The following DLG2 variants were observed in gnomAD, a reference collection of about 807,000 sequenced individuals.
DLG2 encodes disks large homolog 2.
DLG2 carries 45 observed loss-of-function variants against 132.5 expected under a neutral mutation model. The observed-to-expected ratio is 0.34, with a 90% confidence interval of 0.27 to 0.44. DLG2 has a LOEUF of 0.44. Among genes scored for constraint, DLG2 ranks in the 20% least tolerant of loss-of-function variants. The pLI is 1.00. For synonymous variants in DLG2, 424 were observed against 419.6 expected (o/e 1.01, Z -0.13); for missense variants, 1,045 against 1,196.9 (o/e 0.87, Z 1.87).
chr11:85,459,714 T>C (rs1171893419), intron 3 of DLG2, among the ~76,000 whole-genome samples: 3 of 152,140 alleles, frequency 2.0e-5, no homozygotes, highest in African/African-American at 7.2e-5. Flanking sequence ...CAAGAGTGGT[T>C]AGGGTGATAC....
At chr11:85,560,434 C>T (rs562577582) in intron 3 of DLG2, among the ~76,000 whole-genome samples, 5 of 151,990 alleles carry the variant, frequency 3.3e-5, no homozygotes, top group South Asian at 2.1e-4. Context: ...TAGGCTACAA[C>T]ATGGATGAAC....
chr11:83,995,209 C>A (rs2093959922), intron 11 of DLG2, among the ~76,000 whole-genome samples: 2 of 152,018 alleles, frequency 1.3e-5, no homozygotes, highest in Middle Eastern at 3.2e-3. Context: ...AAGGATTTCA[C>A]AGACCAATGT....
At chr11:85,216,442 T>G (rs1303249280) in intron 4 of DLG2, among the ~76,000 whole-genome samples, 1 of 152,220 alleles carries the variant, frequency 6.6e-6, no homozygotes, top group African/African-American at 2.4e-5. Flanking sequence ...TGTTCATTTA[T>G]TCATATCTTT....
At chr11:84,999,343 G>A (rs951754681) in intron 6 of DLG2, among the ~76,000 whole-genome samples, 20 of 151,924 alleles carry the variant, frequency 1.3e-4, no homozygotes, top group Non-Finnish European at 2.2e-4. Flanking sequence ...AATCAAGATG[G>A]CAAATTTTCT....
chr11:84,316,406 T>C (rs1198168067), intron 7 of DLG2, among the ~76,000 whole-genome samples: 2 of 152,312 alleles, frequency 1.3e-5, no homozygotes, highest in South Asian at 2.1e-4. Context: ...CTGTTTTCTA[T>C]AGCTAAAGAA....
intron 6 of DLG2, among the ~76,000 whole-genome samples, chr11:84,768,445 T>C (rs1480573675): frequency 3.3e-5 from 5 of 152,144 alleles, no homozygotes; most frequent in African/African-American, 1.2e-4. Context: ...AATTAAGAAA[T>C]GGAATTTTAA....
At chr11:83,908,350 A>G (rs1482248959) in intron 15 of DLG2, among the ~76,000 whole-genome samples, 1 of 151,208 alleles carries the variant, frequency 6.6e-6, no homozygotes, top group Non-Finnish European at 1.5e-5. Flanking sequence ...TCTTCCCACT[A>G]TGTTAACCTT....
At chr11:85,593,944 AC>A (rs1255127149) in intron 3 of DLG2, among the ~76,000 whole-genome samples, 1 of 152,268 alleles carries the variant, frequency 6.6e-6, no homozygotes, top group African/African-American at 2.4e-5. Flanking sequence ...TCTATAGCTT[AC>A]TGTTGTATCC....
intron 10 of DLG2, among the ~76,000 whole-genome samples, chr11:84,092,773 C>T (rs772828028): frequency 3.2e-4 from 48 of 152,090 alleles, no homozygotes; most frequent in Admixed American, 2.2e-3. Context: ...TACGGTGGCT[C>T]ACACCTGTAA....
chr11:84,192,064 C>G (rs2096419807), intron 8 of DLG2, among the ~76,000 whole-genome samples: 1 of 150,454 alleles, frequency 6.6e-6, no homozygotes, highest in South Asian at 2.1e-4. Flanking sequence ...ACACATTAAT[C>G]CAAAGAATTC....
chr11:84,144,171 C>T (rs970037850), intron 9 of DLG2, among the ~76,000 whole-genome samples: 5 of 152,132 alleles, frequency 3.3e-5, no homozygotes, highest in Admixed American at 2.0e-4. Flanking sequence ...CCAATGCAAA[C>T]TGGCTAATAA....
At chr11:84,457,879 T>C (rs2099069645) in intron 7 of DLG2, among the ~76,000 whole-genome samples, 1 of 150,922 alleles carries the variant, frequency 6.6e-6, no homozygotes, top group Non-Finnish European at 1.5e-5. Context: ...AATGAAGCAA[T>C]ACATAGAATA....
intron 3 of DLG2, among the ~76,000 whole-genome samples, chr11:85,391,996 C>T (rs1379723066): frequency 6.6e-6 from 1 of 152,066 alleles, no homozygotes; most frequent in Non-Finnish European, 1.5e-5. Context: ...GGAAGTCAAA[C>T]TCTCTGTGTT....
chr11:85,426,223 C>T (rs1001823662), intron 3 of DLG2, among the ~76,000 whole-genome samples: 2 of 151,848 alleles, frequency 1.3e-5, no homozygotes, highest in Non-Finnish European at 3.0e-5. Flanking sequence ...AGGGCACAGC[C>T]AAACAAAATC....
At chr11:85,211,699 C>G (rs900027050) in intron 4 of DLG2, among the ~76,000 whole-genome samples, 3 of 152,070 alleles carry the variant, frequency 2.0e-5, no homozygotes, top group Non-Finnish European at 2.9e-5. Flanking sequence ...AAAAAATGGT[C>G]CCATGCAAAT....
intron 6 of DLG2, among the ~76,000 whole-genome samples, chr11:84,928,982 GTATATATATATATATATATATATATA>G (rs58945482): frequency 0.01 from 503 of 49,128 alleles, 16 homozygotes; most frequent in Admixed American, 0.016. Context: ...GTGTGTGTGT[GTATATATATATATATATATATATATA>G]TATATATATA....
chr11:84,624,927 A>G (rs887228752), intron 6 of DLG2, among the ~76,000 whole-genome samples: 1 of 124,652 alleles, frequency 8.0e-6, no homozygotes, highest in Non-Finnish European at 1.6e-5. Flanking sequence ...GCGGGATCTC[A>G]GCTCACTGCA....
intron 16 of DLG2, among the ~76,000 whole-genome samples, chr11:83,870,709 G>T (rs187632095): frequency 1.3e-5 from 2 of 152,018 alleles, no homozygotes; most frequent in Non-Finnish European, 2.9e-5. Context: ...GGTATTCAGC[G>T]GTGTGCATGC....
At chr11:85,286,001 C>G in intron 3 of DLG2, 1 of 331,522 alleles carries the variant, frequency 3.0e-6, no homozygotes, top group Non-Finnish European at 5.8e-6. Context: ...CAGAGGATCC[C>G]AAGATGAAAT....
Sources: allele counts gnomAD v4.1 joint callset (sites outside exome capture counted in the v4.1 genomes callset), GRCh38; gene constraint gnomAD v4.1.1; transcripts MANE v1.5; gene names NCBI Gene and HGNC (gene_info 2026-07-23, HGNC 2026-07-21).